The following ZNF469 variants were observed in gnomAD, a reference collection of about 807,000 sequenced individuals.
ZNF469 encodes the protein zinc finger protein 469.
ZNF469 carries 1 observed loss-of-function variant against 1.0 expected under a neutral mutation model. That is an observed-to-expected ratio of 1.00 (90% CI 0.35 to 4.73). ZNF469 has a LOEUF of 4.73. Ranked by LOEUF, ZNF469 falls within the 30% of genes most tolerant of loss-of-function variation. The probability of loss-of-function intolerance (pLI) is 0.16; values close to 1 mark genes in which losing one functional copy is unlikely to be tolerated. For missense variants in ZNF469, 6,100 were observed against 5,356.3 expected, an observed-to-expected ratio of 1.14 and a Z score of -4.33; for synonymous variants, 2,703 against 2,363.4, an observed-to-expected ratio of 1.14 and a Z score of -4.17.
rs769822891 is a variant in ZNF469, at chr16:88,428,937, G to A, written c.1467G>A (p.Pro489=). ...CCCTGCCTTGGCCCCAAGTGCTCCC[G>A]ACCGCCCGGCCAAGTCCCCACGGAA... ...SAPLPWPQVL[P]TARPSPHGME... is the part of the protein sequence containing the mutation. Residue 489 remains proline, a synonymous_variant, in exon 3 of 3, where the codon CCG becomes CCA. Transcript: ENST00000565624. The A allele has an allele frequency of 5.8e-5, 89 of 1,546,382 alleles. No homozygotes were observed. The highest frequency in any genetic ancestry group is 6.9e-5 in the Non-Finnish European group (79 of 1,145,672).
the ZNF469 span, among the ~76,000 whole-genome samples, chr16:88,221,488 T>C: frequency 0.015 from 2,242 of 152,318 alleles, 44 homozygotes; most frequent in South Asian, 0.057. Flanking sequence ...CGAGCAAGAA[T>C]GCATGGTCTC....
the ZNF469 span, among the ~76,000 whole-genome samples, chr16:88,137,069 C>T: frequency 5.0e-3 from 763 of 152,242 alleles, 4 homozygotes; most frequent in African/African-American, 0.018. Context: ...TACCACCACA[C>T]AAGCACCATG....
the ZNF469 span, among the ~76,000 whole-genome samples, chr16:88,370,085 G>A: frequency 7.2e-5 from 11 of 152,340 alleles, no homozygotes; most frequent in South Asian, 2.1e-4. Flanking sequence ...CCGGGATGTC[G>A]ACGCAGCCTT....
chr16:88,136,757 T>C, the ZNF469 span, among the ~76,000 whole-genome samples: 6 of 152,244 alleles, frequency 3.9e-5, no homozygotes, highest in Non-Finnish European at 7.3e-5. Flanking sequence ...GCCTTCTTTG[T>C]GGAGAAGATT....
At chr16:88,178,910 C>A in the ZNF469 span, 4 of 129,326 alleles carry the variant, frequency 3.1e-5, no homozygotes, top group Admixed American at 7.6e-5. Flanking sequence ...GGAGGCCGCC[C>A]TTGCTCTTTC....
the ZNF469 span, among the ~76,000 whole-genome samples, chr16:88,205,774 TC>T: frequency 1.3e-5 from 2 of 152,192 alleles, no homozygotes; most frequent in Non-Finnish European, 2.9e-5. The surrounding 1 kb of genome is among the most constrained non-coding windows in gnomAD (Gnocchi z 4.2). Context: ...AGCTGGGTTT[TC>T]TGAGCAGTCA....
intron 1 of ZNF469, among the ~76,000 whole-genome samples, chr16:88,412,758 G>A (rs1308452602): frequency 6.6e-6 from 1 of 152,214 alleles, no homozygotes; most frequent in African/African-American, 2.4e-5. Flanking sequence ...AGCCCAGAGA[G>A]AACGCTCACA....
At chr16:88,110,681 T>A in the ZNF469 span, among the ~76,000 whole-genome samples, 1 of 152,162 alleles carries the variant, frequency 6.6e-6, no homozygotes, top group Non-Finnish European at 1.5e-5. Flanking sequence ...GAACCACTCG[T>A]CTTAAAGTGT....
At position 88,430,434 on chromosome 16, in the gene ZNF469, G is replaced by A; in HGVS notation, c.2964G>A (p.Glu988=). 1 of 1,516,268 alleles carries A rather than the reference G, an allele frequency of 6.6e-7. No individual in the cohort carries two copies. Among genetic ancestry groups the A allele is most frequent in the Non-Finnish European group, 8.8e-7 (1 of 1,136,728 alleles). 93.9% of individuals were successfully genotyped at this position (1,516,268 alleles called of 1,614,324 possible). Residue 988 remains glutamate, a synonymous_variant, in exon 3 of 3, where the codon GAG becomes GAA. Coordinates refer to ENST00000565624, the MANE Select transcript of ZNF469 (RefSeq NM_001367624.2). ...CCCGGAGGAACGACGGTCTCGGGGA[G>A]CGGCCCCCACCCCGTCCCCGGCGCC... is the stretch of plus-strand genomic sequence containing the variant. The part of the protein sequence containing the change: ...LRPRRNDGLG[E]RPPPRPRRPR...
intron 2 of ZNF469, among the ~76,000 whole-genome samples, chr16:88,425,376 G>T (rs1009172332): frequency 2.6e-5 from 4 of 152,202 alleles, no homozygotes; most frequent in African/African-American, 9.6e-5. Flanking sequence ...GGCTGTTGCT[G>T]TTCCTACCCC....
At chr16:88,264,020 C>G in the ZNF469 span, among the ~76,000 whole-genome samples, 5 of 152,218 alleles carry the variant, frequency 3.3e-5, no homozygotes, top group South Asian at 1.0e-3. Flanking sequence ...CTCCCTGTGG[C>G]AGGCCCAGTG....
At chr16:88,153,284 C>T in the ZNF469 span, among the ~76,000 whole-genome samples, 3 of 152,188 alleles carry the variant, frequency 2.0e-5, no homozygotes, top group Non-Finnish European at 2.9e-5. Flanking sequence ...GGGGGGCCTG[C>T]GGTGGTGCTG....
At chr16:88,380,390 G>GTCTTTCTTAGAA, upstream of ZNF469, among the ~76,000 whole-genome samples, 1 of 54,578 alleles carries the variant, frequency 1.8e-5, no homozygotes, top group East Asian at 1.1e-3. Context: ...CGCACTCACA[G>GTCTTTCTTAGAA]ACACGCCCTC....
At chr16:88,312,285 A>C in the ZNF469 span, among the ~76,000 whole-genome samples, 2 of 152,254 alleles carry the variant, frequency 1.3e-5, no homozygotes, top group African/African-American at 4.8e-5. Context: ...GCCTATCAGT[A>C]CGGTAGTTCT....
chr16:88,260,161 T>G, the ZNF469 span, among the ~76,000 whole-genome samples: 1 of 143,252 alleles, frequency 7.0e-6, no homozygotes, highest in Middle Eastern at 3.5e-3. The surrounding 1 kb of genome is among the most constrained non-coding windows in gnomAD (Gnocchi z 4.1). Flanking sequence ...TTTTTTTTTT[T>G]GTATTTTAGT....
Position 88,430,026 on chromosome 16 carries a change from G to A in ZNF469, c.2556G>A (p.Glu852=). The A allele has an allele frequency of 1.3e-6, 2 of 1,550,390 alleles. No individual in the cohort carries two copies. Among genetic ancestry groups the A allele is most frequent in the Non-Finnish European group, 8.7e-7 (1 of 1,146,972 alleles). ...SLITEALNGM[E]YQSDNPEIDS... ...TCACAGAGGCGCTCAACGGCATGGAGTACCAGTCGGACAACCCGGAGATCG... is the reference window on the plus strand; with the variant it reads ...TCACAGAGGCGCTCAACGGCATGGAATACCAGTCGGACAACCCGGAGATCG... The change falls in exon 3 of 3, where the codon GAG becomes GAA. Residue 852 remains glutamate (E), a synonymous_variant. Coordinates refer to ENST00000565624, the MANE Select transcript of ZNF469 (RefSeq NM_001367624.2).
At chr16:88,256,895 C>CTTTCTCTCTCTCTCTCTCTCT in the ZNF469 span, among the ~76,000 whole-genome samples, 12 of 51,430 alleles carry the variant, frequency 2.3e-4, 1 homozygote, top group African/African-American at 8.3e-4. Context: ...CTTTTCTTTC[C>CTTTCTCTCTCTCTCTCTCTCT]TTCTTTCTTT....
chr16:88,162,727 T>C, the ZNF469 span, among the ~76,000 whole-genome samples: 3 of 148,986 alleles, frequency 2.0e-5, no homozygotes, highest in Non-Finnish European at 4.5e-5. Flanking sequence ...CTTGCCACCC[T>C]GGCAGTGTGT....
At chr16:88,336,156 A>G in the ZNF469 span, among the ~76,000 whole-genome samples, 1 of 150,846 alleles carries the variant, frequency 6.6e-6, no homozygotes, top group Admixed American at 6.6e-5. Flanking sequence ...CACGTGAGAC[A>G]CTAACATGCC....
Sources: allele counts gnomAD v4.1 joint callset (sites outside exome capture counted in the v4.1 genomes callset), GRCh38; gene constraint gnomAD v4.1.1; non-coding constraint Gnocchi (gnomAD v3.1); transcripts MANE v1.5; gene names NCBI Gene and HGNC (gene_info 2026-07-23, HGNC 2026-07-21).